Variants in DCAKD observed in about 807,000 individuals in gnomAD.
The protein encoded by DCAKD is dephospho-CoA kinase domain-containing protein.
A neutral mutation model predicts 18.7 loss-of-function variants in DCAKD; 15 were observed. That is an observed-to-expected ratio of 0.80 (90% confidence interval 0.54 to 1.24). DCAKD has a LOEUF of 1.24. Among genes scored for constraint, DCAKD ranks in the 50% most tolerant of loss-of-function variants. The pLI, the probability that DCAKD is intolerant of heterozygous loss-of-function variation, is 0.00. For synonymous variants in DCAKD, 130 were observed against 133.0 expected, an observed-to-expected ratio of 0.98 and a Z score of 0.16; for missense variants, 301 against 322.0, an observed-to-expected ratio of 0.93 and a Z score of 0.50.
intron 1 of DCAKD, among the ~76,000 whole-genome samples, chr17:45,038,449 T>C (rs1169287895): frequency 1.3e-5 from 2 of 152,174 alleles, no homozygotes; most frequent in Non-Finnish European, 2.9e-5. Context: ...AAAGGCTGGA[T>C]GCAGTTCAGG....
At chr17:45,053,986 G>A, upstream of DCAKD, 1 of 488,108 alleles carries the variant, frequency 2.0e-6, no homozygotes, top group Middle Eastern at 3.3e-4. Flanking sequence ...CCAGTGCCCT[G>A]CACAGTAGGG....
intron 1 of DCAKD, among the ~76,000 whole-genome samples, chr17:45,040,409 C>T (rs1422112569): frequency 7.0e-6 from 1 of 143,646 alleles, no homozygotes; most frequent in Admixed American, 6.9e-5. Flanking sequence ...AAAAAAAAAG[C>T]TCCCCTGGCA....
chr17:45,036,469 T>TTGCGCCCC, intron 1 of DCAKD, among the ~76,000 whole-genome samples: 1 of 151,938 alleles, frequency 6.6e-6, no homozygotes, highest in South Asian at 2.1e-4. Context: ...TGAGCGGAGA[T>TTGCGCCCC]TGCGCCCCTG....
chr17:45,045,507 G>A (rs2143336057), intron 1 of DCAKD, among the ~76,000 whole-genome samples: 1 of 152,218 alleles, frequency 6.6e-6, no homozygotes, highest in Non-Finnish European at 1.5e-5. Context: ...TGAGGCAGAT[G>A]GATCACTTGA....
chr17:45,049,533 G>A (rs2053643285), intron 1 of DCAKD, among the ~76,000 whole-genome samples: 1 of 150,650 alleles, frequency 6.6e-6, no homozygotes, highest in African/African-American at 2.4e-5. Context: ...ATCAAATGGT[G>A]TATATTTAGA....
At chr17:45,033,568 G>A (rs2053219122) in intron 3 of DCAKD, among the ~76,000 whole-genome samples, 1 of 152,138 alleles carries the variant, frequency 6.6e-6, no homozygotes, top group African/African-American at 2.4e-5. Context: ...AGGTTAAAGC[G>A]ATTCTCCCGT....
chr17:45,029,388 C>A (rs1231101175), intron 4 of DCAKD, among the ~76,000 whole-genome samples: 1 of 152,232 alleles, frequency 6.6e-6, no homozygotes, highest in Non-Finnish European at 1.5e-5. Flanking sequence ...ACCAGCAGAG[C>A]CAAGTGCCCA....
At chr17:45,057,959 C>G (rs1196914922) in intron 1 of DCAKD, among the ~76,000 whole-genome samples, 1 of 136,864 alleles carries the variant, frequency 7.3e-6, no homozygotes, top group Non-Finnish European at 1.5e-5. Flanking sequence ...TGCAATGAGT[C>G]GAGATTGTGC....
chr17:45,045,731 CA>C (rs759264562), intron 1 of DCAKD, among the ~76,000 whole-genome samples: 1,999 of 70,596 alleles, frequency 0.028, 13 homozygotes, highest in African/African-American at 0.049. Flanking sequence ...GACTCTGTCT[CA>C]AAAAAAAAAA....
At chr17:45,059,866 G>GA (rs1417164090) in intron 1 of DCAKD, among the ~76,000 whole-genome samples, 3 of 152,166 alleles carry the variant, frequency 2.0e-5, no homozygotes, top group African/African-American at 7.2e-5. Context: ...AGCACTTTGG[G>GA]AGGCCGAAAT....
intron 4 of DCAKD, among the ~76,000 whole-genome samples, chr17:45,027,967 C>T (rs189901799): frequency 7.0e-6 from 1 of 142,838 alleles, no homozygotes; most frequent in African/African-American, 2.6e-5. Flanking sequence ...CCTTGGGTGA[C>T]AGAGTGAGAC....
chr17:45,040,264 G>A (rs2053402498), intron 1 of DCAKD, among the ~76,000 whole-genome samples: 1 of 151,826 alleles, frequency 6.6e-6, no homozygotes, highest in Non-Finnish European at 1.5e-5. Flanking sequence ...GCGCATGCCT[G>A]TAATCCCAGC....
At chr17:45,058,830 A>G (rs1046793552) in intron 1 of DCAKD, among the ~76,000 whole-genome samples, 2 of 152,176 alleles carry the variant, frequency 1.3e-5, no homozygotes, top group Admixed American at 6.6e-5. Context: ...GAGTGTGGTG[A>G]CAGCTCTCAG....
intron 1 of DCAKD, among the ~76,000 whole-genome samples, chr17:45,047,066 AATAATTCAATGTGATTTTTCGGCCC>A: frequency 6.6e-6 from 1 of 152,114 alleles, no homozygotes; most frequent in African/African-American, 2.4e-5. Flanking sequence ...ACAGATTATT[AATAATTCAATGTGATTTTTCGGCCC>A]ATAATTCAGA....
chr17:45,027,718 T>C (rs2053083372), intron 4 of DCAKD, among the ~76,000 whole-genome samples: 1 of 152,170 alleles, frequency 6.6e-6, no homozygotes, highest in African/African-American at 2.4e-5. Flanking sequence ...CCGGGCGCAG[T>C]GGCTCATGCC....
chr17:45,057,577 C>A (rs1015555877), intron 1 of DCAKD, among the ~76,000 whole-genome samples: 1 of 151,312 alleles, frequency 6.6e-6, no homozygotes, highest in Non-Finnish European at 1.5e-5. Context: ...GCGGTGTGTG[C>A]CTGTAATCCC....
intron 3 of DCAKD, chr17:45,032,108 A>T: frequency 1.0e-6 from 1 of 985,494 alleles, no homozygotes; most frequent in South Asian, 4.7e-5. Flanking sequence ...GAAGCCCTGC[A>T]GATATACCAG....
chr17:45,055,559 C>T (rs1020411986), upstream of DCAKD, among the ~76,000 whole-genome samples: 13 of 152,128 alleles, frequency 8.5e-5, no homozygotes, highest in Non-Finnish European at 1.5e-4. Flanking sequence ...AGTCCTAAGT[C>T]ATATCATTCT....
intron 1 of DCAKD, among the ~76,000 whole-genome samples, chr17:45,042,955 C>T (rs1482349553): frequency 1.3e-5 from 2 of 152,204 alleles, no homozygotes; most frequent in Non-Finnish European, 2.9e-5. Flanking sequence ...ACCATCACTC[C>T]AGCTTTCATG....
Sources: gnomAD v4.1 joint callset for allele counts (sites outside exome capture counted in the v4.1 genomes callset) on GRCh38, gnomAD v4.1.1 for gene constraint, MANE v1.5 for transcripts, NCBI Gene and HGNC (gene_info 2026-07-23, HGNC 2026-07-21) for gene names.